Variants in NEDD4L observed in about 807,000 individuals in gnomAD.
The protein encoded by NEDD4L is NEDD4 like E3 ubiquitin protein ligase.
Under a neutral mutation model 148.9 loss-of-function variants are expected in NEDD4L, and 54 were observed. The observed-to-expected ratio is 0.36, with a 90% CI of 0.29 to 0.45. The LOEUF (loss-of-function observed/expected upper bound fraction) is 0.45. Ranked by LOEUF, NEDD4L falls within the 20% of genes least tolerant of loss-of-function variation. NEDD4L has a pLI of 1.00. For synonymous variants in NEDD4L, 433 were observed against 440.7 expected (o/e 0.98, Z 0.22); for missense variants, 856 against 1,233.8 (o/e 0.69, Z 4.59).
At chr18:58,270,769 G>A (rs2050922717) in intron 5 of NEDD4L, among the ~76,000 whole-genome samples, 1 of 151,976 alleles carries the variant, frequency 6.6e-6, no homozygotes, top group Non-Finnish European at 1.5e-5. Context: ...AAGGATAGAG[G>A]CCGATTCCCT....
chr18:58,256,500 C>A lies in NEDD4L; in HGVS notation c.297+4446C>A, dbSNP rs183877111. On this transcript the variant is annotated intron_variant, in intron 5 of 30. Transcript: ENST00000400345. This position sits in a 1 kb window ranked among gnomAD's most constrained non-coding sequence, Gnocchi z 5.2. ...CGGCTGGAGAGGAGCACCTCGTACC[C>A]CACGCAGCCCCGAAGCGAGCGAGGG... 8.1e-7 allele frequency: 1 copy of A among 1,232,270 alleles called. No individual in the cohort carries two copies. Among genetic ancestry groups the A allele is most frequent in the Non-Finnish European group, 1.0e-6 (1 of 988,050 alleles). The allele number at this position is 1,232,270 out of a possible 1,614,324, so 76.3% of individuals were successfully genotyped here.
chr18:58,362,049 G>A (rs1194810044), intron 19 of NEDD4L, among the ~76,000 whole-genome samples: 1 of 152,206 alleles, frequency 6.6e-6, no homozygotes, highest in Non-Finnish European at 1.5e-5. Context: ...AATGCAAGAG[G>A]AAGACAGTGA....
chr18:58,364,256 T>C lies in NEDD4L; in HGVS notation c.1768-12T>C, dbSNP rs938358563. On this transcript the variant is annotated splice_polypyrimidine_tract_variant and intron_variant, in intron 19 of 30. Coordinates refer to ENST00000400345, the MANE Select transcript of NEDD4L (RefSeq NM_001144967.3). The stretch of plus-strand genomic sequence containing the variant: ...TGTTTGCATTATCTATATTTATAAA[T>C]TTATCTTCCAGGCTGTCCCTTACTC... The C allele has an allele frequency of 1.1e-5, 16 of 1,501,588 alleles. No homozygotes were observed. The highest frequency in any genetic ancestry group is 1.4e-5 in the Non-Finnish European group (15 of 1,102,932). 93.0% of individuals were successfully genotyped at this position (1,501,588 alleles called of 1,614,324 possible). A position where few individuals can be genotyped will look rare whatever the true frequency, so the allele number is the denominator to read the frequency against.
intron 2 of NEDD4L, among the ~76,000 whole-genome samples, chr18:58,237,804 G>A (rs1448975527): frequency 6.6e-6 from 1 of 152,162 alleles, no homozygotes; most frequent in Non-Finnish European, 1.5e-5. Flanking sequence ...TGCACATACA[G>A]TTGCCCCCTG....
intron 18 of NEDD4L, among the ~76,000 whole-genome samples, chr18:58,354,821 C>T (rs1158941343): frequency 1.3e-5 from 2 of 152,130 alleles, no homozygotes; most frequent in African/African-American, 4.8e-5. Context: ...GGTGGTTGGG[C>T]ACAGGGATGG....
At chr18:58,360,838 G>T (rs1443328684) in intron 19 of NEDD4L, among the ~76,000 whole-genome samples, 4 of 151,684 alleles carry the variant, frequency 2.6e-5, no homozygotes, top group African/African-American at 4.8e-5. Context: ...TGAGGCTTTT[G>T]TAAGTCCTGA....
In NEDD4L at chr18:58,329,058, C is replaced by A. The variant is rs2144624792; in HGVS notation, c.744C>A (p.Arg248=). 4 of 1,614,056 alleles carry A rather than the reference C, an allele frequency of 2.5e-6. No individual in the cohort carries two copies. Among genetic ancestry groups the A allele is most frequent in the Non-Finnish European group, 3.4e-6 (4 of 1,179,896 alleles). Residue 248 remains arginine, a synonymous_variant, in exon 10 of 31, where the codon CGC becomes CGA. Transcript: ENST00000400345. The part of the protein sequence containing the change: ...RQINQEAAHR[R]FRSRRHISED... Reference sequence around the variant, plus strand: ...TCAACCAGGAGGCAGCACACCGGCGCTTCCGCTCCCGCAGGCACATCAGCG... The same window carrying A: ...TCAACCAGGAGGCAGCACACCGGCGATTCCGCTCCCGCAGGCACATCAGCG...
chr18:58,130,552 T>TTGAC (rs2031927634), intron 1 of NEDD4L, among the ~76,000 whole-genome samples: 3 of 126,302 alleles, frequency 2.4e-5, no homozygotes, highest in Admixed American at 7.7e-5. Context: ...TGGGGTTTGG[T>TTGAC]TGTGATCTAG....
At chr18:58,169,155 G>A (rs973610447) in intron 2 of NEDD4L, among the ~76,000 whole-genome samples, 21 of 152,192 alleles carry the variant, frequency 1.4e-4, no homozygotes, top group African/African-American at 3.9e-4. Flanking sequence ...CTTTTCGGCC[G>A]TCTCGGCCCC....
intron 15 of NEDD4L, among the ~76,000 whole-genome samples, chr18:58,342,353 A>G (rs1275644356): frequency 2.6e-5 from 4 of 152,130 alleles, no homozygotes; most frequent in Non-Finnish European, 5.9e-5. Flanking sequence ...AGAGAAGCCA[A>G]AGAGCAAATG....
intron 1 of NEDD4L, chr18:58,090,642 TA>T (rs1238594809): frequency 6.6e-6 from 1 of 152,200 alleles, no homozygotes; most frequent in Admixed American, 6.5e-5. Context: ...CACGCCTGGC[TA>T]ATTTTTGTAT....
Position 58,357,272 on chromosome 18 carries a change from G to A in NEDD4L, c.1767+20G>A. ...GGTCCGGTCAGTATTTTCAAATTCT[G>A]CCTCTTCAGTATAAGATTTTGGTTA... On this transcript the variant is annotated intron_variant, in intron 19 of 30. Coordinates refer to ENST00000400345, the MANE Select transcript of NEDD4L (RefSeq NM_001144967.3). 1.2e-6 allele frequency: 2 copies of A among 1,604,046 alleles called. No individual in the cohort carries two copies. The highest frequency in any genetic ancestry group is 1.7e-6 in the Non-Finnish European group (2 of 1,171,534).
chr18:58,108,062 C>G (rs767404552), intron 1 of NEDD4L, among the ~76,000 whole-genome samples: 2 of 152,188 alleles, frequency 1.3e-5, no homozygotes, highest in Non-Finnish European at 2.9e-5. Context: ...CCTCAGAATA[C>G]GGAGATCTGG....
intron 5 of NEDD4L, among the ~76,000 whole-genome samples, chr18:58,264,347 ATG>A (rs1568513333): frequency 1.3e-5 from 2 of 152,104 alleles, no homozygotes; most frequent in African/African-American, 4.8e-5. Flanking sequence ...ATTCTGCAGT[ATG>A]GCATTTTTCT....
In NEDD4L at chr18:58,047,578, C is replaced by T. The variant is rs185181312; in HGVS notation, c.48+2870C>T. 1,758 of 891,464 alleles carry T rather than the reference C, an allele frequency of 2.0e-3. 3 individuals carry two copies. The highest frequency in any genetic ancestry group is 2.2e-3 in the Non-Finnish European group (1,653 of 744,306). The allele number at this position is 891,464 out of a possible 1,614,324, so 55.2% of individuals were successfully genotyped here. ...GCTGTTTAATTTTTTCTGTGTGTTT[C>T]GGGCGGAGGTTTCTCTGGTGAGTTA... On this transcript the variant is annotated intron_variant, in intron 1 of 30. Coordinates refer to ENST00000400345, the MANE Select transcript of NEDD4L (RefSeq NM_001144967.3).
intron 1 of NEDD4L, among the ~76,000 whole-genome samples, chr18:58,059,085 T>G (rs2082211424): frequency 6.6e-6 from 1 of 152,204 alleles, no homozygotes; most frequent in Admixed American, 6.5e-5. Flanking sequence ...CTCCTCCTAT[T>G]TTCTTCTTCT....
At chr18:58,050,786 G>C (rs1202774220) in intron 1 of NEDD4L, among the ~76,000 whole-genome samples, 1 of 151,992 alleles carries the variant, frequency 6.6e-6, no homozygotes, top group African/African-American at 2.4e-5. Flanking sequence ...AATAGTAATA[G>C]TTTTGCTTAA....
intron 1 of NEDD4L, among the ~76,000 whole-genome samples, chr18:58,139,521 A>G (rs1005940091): frequency 2.0e-5 from 3 of 152,234 alleles, no homozygotes; most frequent in Non-Finnish European, 4.4e-5. Flanking sequence ...ATATATTTAA[A>G]ATAATGCGTG....
chr18:58,383,178 T>G, intron 24 of NEDD4L, 68 bp from the exon 25 acceptor site: 1 of 816,794 alleles, frequency 1.2e-6, no homozygotes. Context: ...AGTAAGACAT[T>G]GTCACTCAAT....
Sources: allele counts gnomAD v4.1 joint callset (sites outside exome capture counted in the v4.1 genomes callset), GRCh38; gene constraint gnomAD v4.1.1; non-coding constraint Gnocchi (gnomAD v3.1); transcripts MANE v1.5; gene names NCBI Gene and HGNC (gene_info 2026-07-23, HGNC 2026-07-21).